The following OCIAD1 variants were observed in gnomAD, a reference collection of about 807,000 sequenced individuals.
OCIAD1 encodes the protein OCIA domain containing 1.
In OCIAD1, 29 loss-of-function variants were observed where a neutral mutation model predicts 38.9. The ratio of observed to expected loss-of-function variants is 0.74; its 90% confidence interval spans 0.55 to 1.02. The LOEUF (loss-of-function observed/expected upper bound fraction) is 1.02. OCIAD1 is among the 50% of genes least tolerant of loss of function. OCIAD1 has a pLI of 0.00. For missense variants in OCIAD1, 288 were observed against 289.6 expected (o/e 0.99, Z 0.04); for synonymous variants, 110 against 92.0 (o/e 1.20, Z -1.12).
At chr4:48,839,804 A>G (rs1778362644) in intron 3 of OCIAD1, among the ~76,000 whole-genome samples, 1 of 152,198 alleles carries the variant, frequency 6.6e-6, no homozygotes, top group African/African-American at 2.4e-5. Flanking sequence ...AATAATGTGC[A>G]CTAGGTTTTG....
At position 48,832,752 on chromosome 4, in the gene OCIAD1, A is replaced by G. The variant is rs75821569; in HGVS notation, c.58+70A>G. On this transcript the variant is annotated intron_variant, in intron 2 of 8. Coordinates refer to ENST00000264312, the MANE Select transcript of OCIAD1 (RefSeq NM_017830.4). ...AAAGGAATTTTCACTGCCTTGAGTAACAGTGGCAGGTGGGCTGGCTTCATG... is the reference window on the plus strand; with the variant it reads ...AAAGGAATTTTCACTGCCTTGAGTAGCAGTGGCAGGTGGGCTGGCTTCATG... The G allele has an allele frequency of 3.4e-6, 4 of 1,163,922 alleles. No individual in the cohort carries two copies. In the African/African-American group the frequency reaches 4.5e-5, roughly 13 times the overall value. 72.1% of individuals were successfully genotyped at this position (1,163,922 alleles called of 1,614,324 possible). A position where few individuals can be genotyped will look rare whatever the true frequency, so the allele number is the denominator to read the frequency against.
At chr4:48,844,526 G>A (rs904253572) in intron 4 of OCIAD1, among the ~76,000 whole-genome samples, 1 of 152,150 alleles carries the variant, frequency 6.6e-6, no homozygotes, top group African/African-American at 2.4e-5. Flanking sequence ...TGAGGCAGGA[G>A]AATCGCTTGA....
Position 48,831,252 on chromosome 4 carries a change from G to GCCTTT in OCIAD1, c.-6+3_-6+4insCCTTT. On this transcript the variant is annotated splice_donor_region_variant and intron_variant, in intron 1 of 8. Transcript: ENST00000264312. ...TCGCCTGCTGCTGTCGTCGGGAGGT[G>GCCTTT]GGTGAGGTGACGCAAACAGCCCCGT... 8.7e-6 allele frequency: 3 copies of GCCTTT among 345,044 alleles called. 1 individual carries two copies. In the Admixed American group the frequency reaches 1.2e-4, roughly 14 times the overall value. 21.4% of individuals were successfully genotyped at this position (345,044 alleles called of 1,614,324 possible). A position where few individuals can be genotyped will look rare whatever the true frequency, so the allele number is the denominator to read the frequency against.
At chr4:48,846,711 G>A (rs1291070607) in intron 4 of OCIAD1, among the ~76,000 whole-genome samples, 28 of 150,214 alleles carry the variant, frequency 1.9e-4, no homozygotes, top group African/African-American at 6.4e-4. Flanking sequence ...TGGCGCCACT[G>A]CACTCCAGCC....
chr4:48,809,444 T>A (rs1471829644), intron 1 of OCIAD1, among the ~76,000 whole-genome samples: 1 of 152,104 alleles, frequency 6.6e-6, no homozygotes, highest in Non-Finnish European at 1.5e-5. Flanking sequence ...GAGTACTGCT[T>A]GAACCCGGCA....
intron 3 of OCIAD1, among the ~76,000 whole-genome samples, chr4:48,835,221 A>G (rs897513082): frequency 1.3e-5 from 2 of 152,288 alleles, no homozygotes; most frequent in African/African-American, 4.8e-5. Flanking sequence ...GGTGTGAGCC[A>G]CTGCGCCTGG....
intron 1 of OCIAD1, among the ~76,000 whole-genome samples, chr4:48,807,832 T>C (rs976923442): frequency 6.6e-6 from 1 of 152,170 alleles, no homozygotes; most frequent in Non-Finnish European, 1.5e-5. Flanking sequence ...CAAACGTGGG[T>C]GTTTCCCAGG....
At chr4:48,847,739 T>G (rs74550410) in intron 4 of OCIAD1, among the ~76,000 whole-genome samples, 1,923 of 152,312 alleles carry the variant, frequency 0.013, 36 homozygotes, top group African/African-American at 0.044. Context: ...TGCCTATTCT[T>G]GTACTTAATA....
intron 3 of OCIAD1, chr4:48,837,260 A>G (rs1168469556): frequency 4.6e-5 from 6 of 129,850 alleles, no homozygotes; most frequent in Admixed American, 7.5e-5. Context: ...GACGTAAGCC[A>G]TCGTTTTTTT....
At chr4:48,808,664 C>T (rs781037948) in intron 1 of OCIAD1, among the ~76,000 whole-genome samples, 3 of 152,132 alleles carry the variant, frequency 2.0e-5, no homozygotes, top group Non-Finnish European at 4.4e-5. Context: ...CAGCCCTCAC[C>T]GTACAATTGA....
At chr4:48,848,694 T>C (rs1013021668) in intron 5 of OCIAD1, 2 of 272,038 alleles carry the variant, frequency 7.4e-6, no homozygotes, top group African/African-American at 4.4e-5. Flanking sequence ...TAAAATTATT[T>C]TGTAAGGATA....
intron 7 of OCIAD1, 157 bp downstream of exon 7, chr4:48,852,132 C>G: frequency 1.8e-6 from 1 of 569,792 alleles, no homozygotes; most frequent in Non-Finnish European, 3.0e-6. Context: ...TTCATTCATT[C>G]AACTTTTCTT....
intron 3 of OCIAD1, among the ~76,000 whole-genome samples, chr4:48,839,435 CAAAAA>C (rs34347200): frequency 3.4e-5 from 4 of 119,226 alleles, no homozygotes; most frequent in Admixed American, 1.9e-4. Context: ...GACTTCATCT[CAAAAA>C]AAAAAAAAAA....
At chr4:48,839,139 AG>A (rs1335029189) in intron 3 of OCIAD1, among the ~76,000 whole-genome samples, 4 of 152,318 alleles carry the variant, frequency 2.6e-5, no homozygotes, top group African/African-American at 9.6e-5. Flanking sequence ...ACAGTATAAG[AG>A]TGATAAGAGT....
chr4:48,849,322 A>G (rs1779227546), intron 5 of OCIAD1, among the ~76,000 whole-genome samples: 1 of 152,112 alleles, frequency 6.6e-6, no homozygotes, highest in African/African-American at 2.4e-5. Context: ...ATAAATAAAT[A>G]AAAGAAAAAG....
At chr4:48,836,209 T>C (rs1174598372) in intron 3 of OCIAD1, among the ~76,000 whole-genome samples, 2 of 152,154 alleles carry the variant, frequency 1.3e-5, no homozygotes, top group Admixed American at 6.5e-5. Flanking sequence ...CGATGAGATA[T>C]AGTTGATTAG....
At chr4:48,834,639 T>TA (rs1777815826) in intron 3 of OCIAD1, among the ~76,000 whole-genome samples, 1 of 152,060 alleles carries the variant, frequency 6.6e-6, no homozygotes, top group Non-Finnish European at 1.5e-5. Flanking sequence ...GGTGTGGTGA[T>TA]ACGTAGCTGT....
At chr4:48,832,833 A>C in intron 2 of OCIAD1, 151 bp downstream of exon 2, 1 of 660,768 alleles carries the variant, frequency 1.5e-6, no homozygotes. Flanking sequence ...TGTTATCTTG[A>C]AATTCATAAT....
At chr4:48,832,577 A>G (rs113166093) in intron 1 of OCIAD1, 43 bp from the exon 2 acceptor site, 9 of 1,409,486 alleles carry the variant, frequency 6.4e-6, no homozygotes, top group South Asian at 1.2e-5. Context: ...TGACCTATCT[A>G]GTGATAGTTT....
Sources: gnomAD v4.1 joint callset for allele counts (sites outside exome capture counted in the v4.1 genomes callset) on GRCh38, gnomAD v4.1.1 for gene constraint, MANE v1.5 for transcripts, NCBI Gene and HGNC (gene_info 2026-07-23, HGNC 2026-07-21) for gene names.